The following EPHA3 variants were observed in gnomAD, a reference collection of about 807,000 sequenced individuals.
The protein encoded by EPHA3 is EPH receptor A3.
EPHA3 carries 42 observed loss-of-function variants against 107.1 expected under a neutral mutation model. The ratio of observed to expected loss-of-function variants is 0.39; its 90% CI spans 0.31 to 0.51. The LOEUF is 0.51. EPHA3 is among the 20% of genes least tolerant of loss of function. The pLI, the probability that EPHA3 is intolerant of heterozygous loss-of-function variation, is 0.78. For missense variants in EPHA3, 1,183 were observed against 1,211.2 expected (o/e 0.98, Z 0.35); for synonymous variants, 461 against 424.8 (o/e 1.09, Z -1.05).
intron 3 of EPHA3, among the ~76,000 whole-genome samples, chr3:89,310,661 C>A (rs1706743448): frequency 6.6e-6 from 1 of 151,630 alleles, no homozygotes; most frequent in Non-Finnish European, 1.5e-5. Flanking sequence ...TTAATAGATA[C>A]TCTATATAGA....
At chr3:89,429,494 T>G (rs1462902302) in intron 12 of EPHA3, among the ~76,000 whole-genome samples, 1 of 152,136 alleles carries the variant, frequency 6.6e-6, no homozygotes, top group Non-Finnish European at 1.5e-5. Flanking sequence ...GAAAGTCTCT[T>G]TTTTAAGTAA....
At position 89,210,181 on chromosome 3, in the gene EPHA3, G is replaced by A. The variant is rs2107182262; in HGVS notation, c.475G>A (p.Asp159Asn). Residue 159 changes from aspartate to asparagine, a missense_variant, in exon 3 of 17, where the codon GAC becomes AAC. Coordinates refer to ENST00000336596, the MANE Select transcript of EPHA3 (RefSeq NM_005233.6). ...DESFTQMDLG[D>N]RILKLNTEIR... The stretch of plus-strand genomic sequence containing the variant: ...AAGTTTCACTCAAATGGATCTTGGG[G>A]ACCGTATTCTGAAGCTCAACACTGA... The A allele has an allele frequency of 1.2e-6, 2 of 1,614,004 alleles. No individual in the cohort carries two copies. Among genetic ancestry groups the A allele is most frequent in the Admixed American group, 1.7e-5 (1 of 59,996 alleles).
chr3:89,242,113 T>G (rs934143618), intron 3 of EPHA3, among the ~76,000 whole-genome samples: 5 of 152,080 alleles, frequency 3.3e-5, no homozygotes, highest in Non-Finnish European at 7.4e-5. Context: ...GTTGGCAGAG[T>G]TGGGAATCCA....
chr3:89,315,358 T>G (rs1410815765), intron 3 of EPHA3, among the ~76,000 whole-genome samples: 1 of 151,728 alleles, frequency 6.6e-6, no homozygotes, highest in Non-Finnish European at 1.5e-5. Context: ...GAATCAACTA[T>G]AGTATGTGAT....
chr3:89,450,641 A>AG (rs1253407958), intron 15 of EPHA3, among the ~76,000 whole-genome samples: 2 of 152,056 alleles, frequency 1.3e-5, no homozygotes, highest in Non-Finnish European at 2.9e-5. Flanking sequence ...GGAATACTGG[A>AG]GGGGTGCGGT....
At chr3:89,328,641 C>T (rs933230062) in intron 3 of EPHA3, among the ~76,000 whole-genome samples, 11 of 152,162 alleles carry the variant, frequency 7.2e-5, no homozygotes, top group African/African-American at 2.4e-4. Flanking sequence ...CACAGAATAC[C>T]TATGTCTTGG....
intron 4 of EPHA3, among the ~76,000 whole-genome samples, chr3:89,341,301 G>A (rs1170452574): frequency 2.0e-5 from 3 of 152,174 alleles, no homozygotes; most frequent in South Asian, 2.1e-4. Flanking sequence ...CCCCCTGAAA[G>A]AGAGAACATT....
intron 3 of EPHA3, among the ~76,000 whole-genome samples, chr3:89,306,553 T>C (rs892968778): frequency 6.6e-6 from 1 of 152,164 alleles, no homozygotes; most frequent in African/African-American, 2.4e-5. Flanking sequence ...TAACAAGTTA[T>C]AGTTGAATGT....
chr3:89,330,466 A>G (rs1264175084), intron 3 of EPHA3, among the ~76,000 whole-genome samples: 1 of 152,106 alleles, frequency 6.6e-6, no homozygotes. Context: ...CATAAGTCAT[A>G]GTAATAAATT....
intron 5 of EPHA3, among the ~76,000 whole-genome samples, chr3:89,372,048 GA>G (rs200149252): frequency 2.0e-5 from 3 of 149,920 alleles, no homozygotes; most frequent in African/African-American, 4.9e-5. Flanking sequence ...AGGGAGGAAA[GA>G]AAAAAAATGT....
intron 10 of EPHA3, 26 bp downstream of exon 10, chr3:89,413,292 C>A (rs561199381): frequency 1.2e-6 from 2 of 1,610,696 alleles, no homozygotes; most frequent in Middle Eastern, 1.7e-4. Context: ...CTACTGCCAA[C>A]TTAGTACTGT....
At chr3:89,207,510 A>AT (rs1316985320) in intron 2 of EPHA3, among the ~76,000 whole-genome samples, 1 of 152,164 alleles carries the variant, frequency 6.6e-6, no homozygotes, top group Non-Finnish European at 1.5e-5. Context: ...AGGCAGTAGT[A>AT]TTTTTTATTC....
chr3:89,182,598 T>C (rs1401841273), intron 2 of EPHA3, among the ~76,000 whole-genome samples: 4 of 151,942 alleles, frequency 2.6e-5, no homozygotes, highest in Non-Finnish European at 4.4e-5. Flanking sequence ...CATACATAAA[T>C]TTTGAGCAGA....
intron 1 of EPHA3, among the ~76,000 whole-genome samples, chr3:89,117,762 GATTT>G (rs753218653): frequency 1.2e-4 from 18 of 151,934 alleles, no homozygotes; most frequent in Admixed American, 7.2e-4. Flanking sequence ...AACAACCATT[GATTT>G]ATTTGTCACT....
intron 3 of EPHA3, among the ~76,000 whole-genome samples, chr3:89,248,208 G>T (rs1384029084): frequency 6.6e-6 from 1 of 151,874 alleles, no homozygotes; most frequent in Admixed American, 6.6e-5. Context: ...TTTCTTTCTG[G>T]CACTGTATGA....
chr3:89,458,420 A>G (rs1710143866), intron 15 of EPHA3, among the ~76,000 whole-genome samples: 1 of 152,174 alleles, frequency 6.6e-6, no homozygotes, highest in African/African-American at 2.4e-5. Context: ...GCATTTCCAA[A>G]AAGTAGATTC....
intron 5 of EPHA3, among the ~76,000 whole-genome samples, chr3:89,363,966 C>T (rs879843414): frequency 6.6e-6 from 1 of 150,550 alleles, no homozygotes; most frequent in Non-Finnish European, 1.5e-5. Flanking sequence ...CTTGGATGAC[C>T]ACTTATCAAT....
chr3:89,357,460 T>C (rs532817774), intron 5 of EPHA3, among the ~76,000 whole-genome samples: 1 of 151,082 alleles, frequency 6.6e-6, no homozygotes, highest in East Asian at 1.9e-4. Flanking sequence ...AGAAAGAAAA[T>C]TTTTGCATCT....
At chr3:89,209,754 T>A (rs1706222546) in intron 2 of EPHA3, 106 bp from the exon 3 acceptor site, 1 of 915,540 alleles carries the variant, frequency 1.1e-6, no homozygotes, top group Non-Finnish European at 1.6e-6. Context: ...ATGTTTTTAA[T>A]GAGTAAATGA....
Sources: gnomAD v4.1 joint callset for allele counts (sites outside exome capture counted in the v4.1 genomes callset) on GRCh38, gnomAD v4.1.1 for gene constraint, MANE v1.5 for transcripts, NCBI Gene and HGNC (gene_info 2026-07-23, HGNC 2026-07-21) for gene names.